CLCN3: variants seen among roughly 807,000 people sequenced by gnomAD.
CLCN3 encodes H(+)/Cl(-) exchange transporter 3.
A neutral mutation model predicts 83.4 loss-of-function variants in CLCN3; 16 were observed. The observed-to-expected ratio is 0.19, with a 90% CI of 0.13 to 0.29. CLCN3 has a LOEUF of 0.29. Among genes scored for constraint, CLCN3 ranks in the 10% least tolerant of loss-of-function variants. The probability of loss-of-function intolerance (pLI) is 1.00; values close to 1 mark genes in which losing one functional copy is unlikely to be tolerated. For missense variants in CLCN3, 544 were observed against 1,006.0 expected, an observed-to-expected ratio of 0.54 and a Z score of 6.21; for synonymous variants, 322 against 346.2, an observed-to-expected ratio of 0.93 and a Z score of 0.78.
chr4:169,677,117 T>C (rs1053769864), intron 2 of CLCN3, among the ~76,000 whole-genome samples: 2 of 151,988 alleles, frequency 1.3e-5, no homozygotes, highest in African/African-American at 4.8e-5. Flanking sequence ...ATTTGAACTT[T>C]ATTTTGAAAT....
chr4:169,705,089 A>G (rs1732939675), intron 10 of CLCN3, among the ~76,000 whole-genome samples: 1 of 152,190 alleles, frequency 6.6e-6, no homozygotes, highest in African/African-American at 2.4e-5. Flanking sequence ...AAATATATAC[A>G]AGGTTAAAAG....
At chr4:169,705,991 C>A (rs1350933095) in intron 10 of CLCN3, among the ~76,000 whole-genome samples, 1 of 150,518 alleles carries the variant, frequency 6.6e-6, no homozygotes, top group Non-Finnish European at 1.5e-5. Context: ...CTGAGTGAGA[C>A]CCCAAATCCT....
intron 2 of CLCN3, chr4:169,642,740 C>G (rs952840686): frequency 6.6e-6 from 1 of 152,262 alleles, no homozygotes; most frequent in Non-Finnish European, 1.5e-5. Flanking sequence ...TCAGGCTGGT[C>G]TGCAACTCCT....
At chr4:169,643,924 G>T (rs1229732289) in intron 2 of CLCN3, among the ~76,000 whole-genome samples, 1 of 152,154 alleles carries the variant, frequency 6.6e-6, no homozygotes. Flanking sequence ...GAAAAGACAG[G>T]TTGAGAAAAT....
intron 2 of CLCN3, among the ~76,000 whole-genome samples, chr4:169,648,987 A>G (rs941632071): frequency 6.6e-6 from 1 of 151,418 alleles, no homozygotes; most frequent in Non-Finnish European, 1.5e-5. Context: ...AGATGGTGCC[A>G]CTGTATTCCA....
At chr4:169,707,291 G>A in intron 11 of CLCN3, 25 bp downstream of exon 11, 8 of 1,472,200 alleles carry the variant, frequency 5.4e-6, no homozygotes, top group Non-Finnish European at 7.3e-6. Flanking sequence ...ATATATATAT[G>A]TATATATGAG....
At chr4:169,682,156 GTGATCATTTAGAAAATAT>G (rs1731966116) in intron 3 of CLCN3, among the ~76,000 whole-genome samples, 1 of 152,112 alleles carries the variant, frequency 6.6e-6, no homozygotes, top group Non-Finnish European at 1.5e-5. Context: ...ACATTATGCA[GTGATCATTTAGAAAATAT>G]TGATTCACTG....
At chr4:169,694,961 G>C (rs1361828195) in intron 7 of CLCN3, among the ~76,000 whole-genome samples, 1 of 152,184 alleles carries the variant, frequency 6.6e-6, no homozygotes, top group Non-Finnish European at 1.5e-5. Context: ...CCAACTGATA[G>C]ACTGGGGAGC....
chr4:169,628,943 TATC>T (rs1298395691), intron 1 of CLCN3, among the ~76,000 whole-genome samples: 3 of 152,248 alleles, frequency 2.0e-5, no homozygotes, highest in Admixed American at 6.5e-5. Context: ...GCATATCTGT[TATC>T]ATAGACTACT....
At chr4:169,634,144 C>A (rs542717669) in intron 1 of CLCN3, among the ~76,000 whole-genome samples, 2 of 152,066 alleles carry the variant, frequency 1.3e-5, no homozygotes, top group African/African-American at 2.4e-5. Context: ...TTACCACTTA[C>A]GATTTTTGAG....
At chr4:169,633,874 A>G (rs1010524251) in intron 1 of CLCN3, among the ~76,000 whole-genome samples, 2 of 152,214 alleles carry the variant, frequency 1.3e-5, no homozygotes, top group South Asian at 4.1e-4. Context: ...CCATGTTTCA[A>G]TGGCTCGATA....
intron 2 of CLCN3, among the ~76,000 whole-genome samples, chr4:169,658,991 T>C (rs913467128): frequency 6.6e-6 from 1 of 152,176 alleles, no homozygotes; most frequent in African/African-American, 2.4e-5. Context: ...TTCTCTTTAC[T>C]GCCCTCTGAG....
chr4:169,679,444 C>A (rs1460411164), intron 2 of CLCN3, among the ~76,000 whole-genome samples: 1 of 150,864 alleles, frequency 6.6e-6, no homozygotes, highest in African/African-American at 2.4e-5. Context: ...ACATCCCAGA[C>A]GATGGGCAGT....
intron 2 of CLCN3, among the ~76,000 whole-genome samples, chr4:169,675,053 CA>C (rs1731622673): frequency 6.6e-6 from 1 of 152,202 alleles, no homozygotes; most frequent in Admixed American, 6.5e-5. Flanking sequence ...CCAAGGCAGG[CA>C]TTTAAATGTA....
intron 2 of CLCN3, among the ~76,000 whole-genome samples, chr4:169,672,853 C>T (rs1319294468): frequency 6.6e-6 from 1 of 151,512 alleles, no homozygotes; most frequent in African/African-American, 2.4e-5. Context: ...TTAGTAGAGA[C>T]AGGGTTTCAC....
intron 3 of CLCN3, 134 bp downstream of exon 3, chr4:169,680,341 T>G (rs1731888588): frequency 4.7e-6 from 3 of 644,276 alleles, no homozygotes; most frequent in Non-Finnish European, 7.8e-6. Context: ...TCATATGTGG[T>G]ACATGTTTTT....
At chr4:169,707,287 A>G (rs1028345744) in intron 11 of CLCN3, 21 bp downstream of exon 11, 17 of 1,501,780 alleles carry the variant, frequency 1.1e-5, no homozygotes, top group East Asian at 2.3e-5. Context: ...AAAAATATAT[A>G]TATGTATATA....
chr4:169,687,796 A>G (rs779609254), intron 4 of CLCN3, 39 bp downstream of exon 4: 4 of 1,191,880 alleles, frequency 3.4e-6, no homozygotes, highest in East Asian at 2.5e-5. Context: ...TTTAGTTAAC[A>G]GAAGTATAAA....
chr4:169,695,713 A>G, intron 8 of CLCN3, 21 bp downstream of exon 8: 3 of 1,481,296 alleles, frequency 2.0e-6, no homozygotes, highest in Non-Finnish European at 2.8e-6. Flanking sequence ...AGAATACAAC[A>G]ATTAAAATTA....
Sources: gnomAD v4.1 joint callset for allele counts (sites outside exome capture counted in the v4.1 genomes callset) on GRCh38, gnomAD v4.1.1 for gene constraint, MANE v1.5 for transcripts, NCBI Gene and HGNC (gene_info 2026-07-23, HGNC 2026-07-21) for gene names.